Variants in PAX2 observed in about 807,000 individuals in gnomAD.
PAX2 encodes paired box 2.
PAX2 carries 9 observed loss-of-function variants against 41.7 expected under a neutral mutation model. That is an observed-to-expected ratio of 0.22 (90% CI 0.13 to 0.38). The LOEUF is 0.38. Among genes scored for constraint, PAX2 ranks in the 10% least tolerant of loss-of-function variants. The pLI is 1.00. For synonymous variants in PAX2, 221 were observed against 212.7 expected (o/e 1.04, Z -0.34); for missense variants, 418 against 531.6 (o/e 0.79, Z 2.10).
chr10:100,765,259 A>G (rs1845979769), intron 3 of PAX2, among the ~76,000 whole-genome samples: 1 of 152,220 alleles, frequency 6.6e-6, no homozygotes, highest in African/African-American at 2.4e-5. Context: ...CAGTTTCCCA[A>G]ACTCATGACA....
chr10:100,749,687 A>T, intron 1 of PAX2, 59 bp from the exon 2 acceptor site: 1 of 1,568,526 alleles, frequency 6.4e-7, no homozygotes, highest in Non-Finnish European at 8.7e-7. Context: ...GCGGACCCTG[A>T]CTAATGGCCG....
At position 100,746,289 on chromosome 10, in the gene PAX2, T is replaced by A; in HGVS notation, c.29T>A (p.Phe10Tyr). Reference sequence around the variant, plus strand: ...GATATGCACTGCAAAGCAGACCCCTTCTCCGCGATGCACCGTGAGTACCGG... The same window carrying A: ...GATATGCACTGCAAAGCAGACCCCTACTCCGCGATGCACCGTGAGTACCGG... The part of the protein sequence containing the change: MDMHCKADP[F>Y]SAMHPGHGGV... Residue 10 changes from phenylalanine to tyrosine, a missense_variant, in exon 1 of 10, where the codon TTC becomes TAC. Phe to Tyr is a conservative substitution (Grantham distance 22, BLOSUM62 3). Coordinates refer to ENST00000355243, the MANE Select transcript of PAX2 (RefSeq NM_000278.5). 6.2e-7 allele frequency: 1 copy of A among 1,610,902 alleles called. No individual in the cohort carries two copies. Among genetic ancestry groups the A allele is most frequent in the Non-Finnish European group, 8.5e-7 (1 of 1,177,248 alleles).
upstream of PAX2, among the ~76,000 whole-genome samples, chr10:100,742,597 T>A (rs1845000795): frequency 6.6e-6 from 1 of 152,120 alleles, no homozygotes; most frequent in Non-Finnish European, 1.5e-5. Context: ...GAGATGGGTA[T>A]CAGAGCAACT....
At chr10:100,749,388 C>T in intron 1 of PAX2, 3 of 1,096,998 alleles carry the variant, frequency 2.7e-6, no homozygotes, top group Non-Finnish European at 3.3e-6. Context: ...CTGCCAGGCC[C>T]TTCCTCTCCT....
chr10:100,746,384 C>T, intron 1 of PAX2, 81 bp downstream of exon 1: 1 of 997,212 alleles, frequency 1.0e-6, no homozygotes, highest in Non-Finnish European at 1.6e-6. Flanking sequence ...GCCCCGGCCC[C>T]TCGCGCTCAG....
upstream of PAX2, among the ~76,000 whole-genome samples, chr10:100,744,057 C>T (rs930419770): frequency 5.3e-5 from 8 of 152,352 alleles, no homozygotes; most frequent in African/African-American, 1.4e-4. Context: ...GCCTGAGCTC[C>T]TCCTGAGGAA....
chr10:100,794,378 A>T (rs1020447323), intron 5 of PAX2, among the ~76,000 whole-genome samples: 12 of 152,224 alleles, frequency 7.9e-5, no homozygotes, highest in African/African-American at 2.7e-4. Flanking sequence ...CATCTTTAAA[A>T]TAGAGGTAAT....
Position 100,803,889 on chromosome 10 carries a change from A to T in PAX2, c.617-2541A>T, listed in dbSNP as rs144895442. Among the ~76,000 whole-genome samples the T allele has an allele frequency of 2.8e-3, 431 of 152,260 alleles. 1 individual carries two copies. Among genetic ancestry groups the T allele is most frequent in the Non-Finnish European group, 4.7e-3 (321 of 68,032 alleles). ...TACCACCAGGGCCTGAGTATACAAA[A>T]AAATAAATAAATAAATAAAAAGGTC... On this transcript the variant is annotated intron_variant, in intron 5 of 9. Transcript: ENST00000355243.
intron 3 of PAX2, among the ~76,000 whole-genome samples, chr10:100,771,335 A>G (rs74152668): frequency 0.011 from 1,746 of 152,302 alleles, 30 homozygotes; most frequent in African/African-American, 0.04. Context: ...TGCCTGACAT[A>G]TGGTCAGTTA....
intron 1 of PAX2, chr10:100,747,510 A>G: frequency 1.9e-6 from 1 of 526,424 alleles, no homozygotes; most frequent in South Asian, 8.5e-5. Context: ...AATTCTAAAT[A>G]GAAAACTCCT....
At chr10:100,769,913 G>A (rs1371964298) in intron 3 of PAX2, among the ~76,000 whole-genome samples, 3 of 152,128 alleles carry the variant, frequency 2.0e-5, no homozygotes, top group Non-Finnish European at 4.4e-5. Flanking sequence ...TAGACCCTGA[G>A]AGGAAGAGGG....
chr10:100,771,138 A>G (rs1368294660), intron 3 of PAX2, among the ~76,000 whole-genome samples: 3 of 152,214 alleles, frequency 2.0e-5, no homozygotes. Context: ...GCTTTTTGGT[A>G]GGACTTTCAT....
Position 100,827,194 on chromosome 10 carries a change from G to A in PAX2, c.1108+99G>A, listed in dbSNP as rs1341026661. The A allele has an allele frequency of 2.0e-6, 2 of 977,012 alleles. No individual in the cohort carries two copies. Among genetic ancestry groups the A allele is most frequent in the Non-Finnish European group, 3.2e-6 (2 of 619,432 alleles). 60.5% of individuals were successfully genotyped at this position (977,012 alleles called of 1,614,324 possible). The stretch of plus-strand genomic sequence containing the variant: ...ACCCGACCTCTGGGGACCCGGCCGG[G>A]CCAGGGGGACAGGCTTGTTAGTGCA... On this transcript the variant is annotated intron_variant, in intron 9 of 9. Coordinates refer to ENST00000355243, the MANE Select transcript of PAX2 (RefSeq NM_000278.5). This position sits in a 1 kb window ranked among gnomAD's most constrained non-coding sequence, Gnocchi z 8.5.
At chr10:100,738,958 G>A (rs1042698234) in intron 1 of PAX2, among the ~76,000 whole-genome samples, 1 of 151,886 alleles carries the variant, frequency 6.6e-6, no homozygotes, top group Non-Finnish European at 1.5e-5. Flanking sequence ...ACCCTACAGA[G>A]AGGGCCCTCC....
intron 5 of PAX2, among the ~76,000 whole-genome samples, chr10:100,801,246 TA>T (rs886457306): frequency 5.0e-4 from 76 of 152,212 alleles, no homozygotes; most frequent in African/African-American, 1.7e-3. Context: ...TCCTCCCCAG[TA>T]AAAAGGGATT....
Position 100,735,764 on chromosome 10 carries a change from A to G in PAX2, c.25+31A>G, listed in dbSNP as rs4919486. Reference sequence around the variant, plus strand: ...AGCGGCAGAGACCCGTCCGCGCCGCAGGCGAGGACTAGGGGAGAGGGATGG... The same window carrying G: ...AGCGGCAGAGACCCGTCCGCGCCGCGGGCGAGGACTAGGGGAGAGGGATGG... On this transcript the variant is annotated intron_variant, in intron 1 of 9. Transcript: ENST00000679374. 0.8 allele frequency: 822,502 copies of G among 1,027,292 alleles called. 329,982 individuals carry two copies. Among genetic ancestry groups the G allele is most frequent in the East Asian group, 1 (16,494 of 16,512 alleles). The allele number at this position is 1,027,292 out of a possible 1,614,324, so 63.6% of individuals were successfully genotyped here.
intron 3 of PAX2, among the ~76,000 whole-genome samples, chr10:100,757,229 G>A (rs950961302): frequency 1.3e-5 from 2 of 152,206 alleles, no homozygotes; most frequent in Non-Finnish European, 2.9e-5. Flanking sequence ...AGGAGAAAAG[G>A]GAGGAAGGCT....
chr10:100,796,983 T>C (rs1216531086), intron 5 of PAX2, among the ~76,000 whole-genome samples: 1 of 152,234 alleles, frequency 6.6e-6, no homozygotes, highest in Non-Finnish European at 1.5e-5. Flanking sequence ...TCTTCATATT[T>C]TCCAGCTGTA....
intron 5 of PAX2, among the ~76,000 whole-genome samples, chr10:100,804,313 C>T (rs1243104090): frequency 6.8e-6 from 1 of 146,498 alleles, no homozygotes; most frequent in Non-Finnish European, 1.5e-5. Flanking sequence ...GTGAGCCAAG[C>T]CACACACAGA....
Sources: gnomAD v4.1 joint callset for allele counts (sites outside exome capture counted in the v4.1 genomes callset) on GRCh38, gnomAD v4.1.1 for gene constraint, Gnocchi (gnomAD v3.1) non-coding constraint, MANE v1.5 for transcripts, NCBI Gene and HGNC (gene_info 2026-07-23, HGNC 2026-07-21) for gene names.